DSC2: variants seen among roughly 807,000 people sequenced by gnomAD.
DSC2 encodes desmocollin 2, also known as desmocollin-2.
DSC2 carries 51 observed loss-of-function variants against 87.6 expected under a neutral mutation model. That is an observed-to-expected ratio of 0.58 (90% CI 0.46 to 0.74). The LOEUF (loss-of-function observed/expected upper bound fraction) is 0.74, where lower values mean the gene tolerates loss of function less well. Among genes scored for constraint, DSC2 ranks in the 30% least tolerant of loss-of-function variants. The probability of loss-of-function intolerance (pLI) is 0.00; values close to 1 mark genes in which losing one functional copy is unlikely to be tolerated. For missense variants in DSC2, 1,066 were observed against 1,089.5 expected (o/e 0.98, Z 0.30); for synonymous variants, 383 against 393.2 (o/e 0.97, Z 0.31).
rs1158256987 is a variant in DSC2, at chr18:31,082,661, G to A, written c.1078-238C>T. Among the ~76,000 whole-genome samples, 5 of 151,984 alleles carry A rather than the reference G, an allele frequency of 3.3e-5. 1 individual carries two copies. The highest frequency in any genetic ancestry group is 7.2e-5 in the African/African-American group (3 of 41,386). On this transcript the variant is annotated intron_variant, in intron 8 of 15. Coordinates refer to ENST00000280904, the MANE Select transcript of DSC2 (RefSeq NM_024422.6). Reference sequence around the variant, plus strand: ...CAACCTCTGCCTTCCACGTTCAGGCGATTCTCCTGCCTCAGCTTCCCGAGT... The same window carrying A: ...CAACCTCTGCCTTCCACGTTCAGGCAATTCTCCTGCCTCAGCTTCCCGAGT...
intron 4 of DSC2, 54 bp from the exon 5 acceptor site, chr18:31,089,648 C>T: frequency 6.5e-7 from 1 of 1,538,724 alleles, no homozygotes; most frequent in Non-Finnish European, 8.9e-7. Flanking sequence ...GCAGAGCTTT[C>T]ATCTATATAT....
intron 11 of DSC2, among the ~76,000 whole-genome samples, chr18:31,078,770 T>C (rs1987103928): frequency 6.6e-6 from 1 of 152,180 alleles, no homozygotes; most frequent in African/African-American, 2.4e-5. Flanking sequence ...TAAATTCTAA[T>C]TTTGCAAGTT....
chr18:31,093,578 G>C lies in DSC2; in HGVS notation c.135C>G (p.Ala45=). The C allele has an allele frequency of 6.2e-7, 1 of 1,605,096 alleles. No individual in the cohort carries two copies. Among genetic ancestry groups the C allele is most frequent in the Non-Finnish European group, 8.5e-7 (1 of 1,174,360 alleles). Residue 45 remains alanine (A), a synonymous_variant, in exon 2 of 16, where the codon GCC becomes GCG. Transcript: ENST00000280904. The part of the protein sequence containing the change: ...VTLHVPSKLD[A]EKLVGRVNLK... ...CCTTACCTCTACCAACAAGTTTCTC[G>C]GCATCTAGTTTGGAGGGAACATGTA...
rs1209588783 is a variant in DSC2 at position 31,062,994 on chromosome 18, A to G, written c.*5021T>C. On this transcript the variant is annotated 3_prime_UTR_variant, in exon 16 of 16. Transcript: ENST00000280904. ...GAGAATAAAAAACCTAACTTTTATT[A>G]TTTCTCTTTTTTCCTTTATGACCTG... is the stretch of plus-strand genomic sequence containing the variant. 1 of 152,118 alleles carries G rather than the reference A, an allele frequency of 6.6e-6. No homozygotes were observed. Among genetic ancestry groups the G allele is most frequent in the Non-Finnish European group, 1.5e-5 (1 of 68,016 alleles). 9.4% of individuals were successfully genotyped at this position (152,118 alleles called of 1,614,324 possible). A position where few individuals can be genotyped will look rare whatever the true frequency, so the allele number is the denominator to read the frequency against.
In DSC2 at chr18:31,064,816, T is replaced by A. The variant is rs1442754002; in HGVS notation, c.*3199A>T. ...ACTAAAGGGGCTGATCAGAGCAAAGTCAGTTGTCAAGACTTCAATCTGGAG... is the reference window on the plus strand; with the variant it reads ...ACTAAAGGGGCTGATCAGAGCAAAGACAGTTGTCAAGACTTCAATCTGGAG... On this transcript the variant is annotated 3_prime_UTR_variant, in exon 16 of 16. Transcript: ENST00000280904. 1 of 152,090 alleles carries A rather than the reference T, an allele frequency of 6.6e-6. No homozygotes were observed. Among genetic ancestry groups the A allele is most frequent in the Non-Finnish European group, 1.5e-5 (1 of 68,020 alleles). The allele number at this position is 152,090 out of a possible 1,614,324, so 9.4% of individuals were successfully genotyped here.
chr18:31,098,538 T>A (rs1307570756), intron 1 of DSC2, among the ~76,000 whole-genome samples: 1 of 152,038 alleles, frequency 6.6e-6, no homozygotes, highest in Non-Finnish European at 1.5e-5. Context: ...CACTGAAACC[T>A]CCACCTCCCG....
rs904173473 is a variant in DSC2, at chr18:31,102,311, T to G, written c.-340A>C. 4.1e-6 allele frequency: 1 copy of G among 243,352 alleles called. No individual in the cohort carries two copies. Among genetic ancestry groups the G allele is most frequent in the African/African-American group, 2.2e-5 (1 of 44,534 alleles). The allele number at this position is 243,352 out of a possible 1,614,324, so 15.1% of individuals were successfully genotyped here. A position where few individuals can be genotyped will look rare whatever the true frequency, so the allele number is the denominator to read the frequency against. ...CCGCCACCCTTTTACCTGCGCAAGGTGTTTCTCACCAGCGGACGCCACCTA... is the reference window on the plus strand; with the variant it reads ...CCGCCACCCTTTTACCTGCGCAAGGGGTTTCTCACCAGCGGACGCCACCTA... On this transcript the variant is annotated 5_prime_UTR_variant, in exon 1 of 16. Coordinates refer to ENST00000280904, the MANE Select transcript of DSC2 (RefSeq NM_024422.6).
intron 1 of DSC2, among the ~76,000 whole-genome samples, chr18:31,098,571 C>G (rs970253123): frequency 6.6e-6 from 1 of 151,812 alleles, no homozygotes; most frequent in Non-Finnish European, 1.5e-5. Context: ...CCTCCCACCT[C>G]AGCCTCCCAA....
At chr18:31,081,949 T>C (rs917187568) in intron 9 of DSC2, among the ~76,000 whole-genome samples, 1 of 152,154 alleles carries the variant, frequency 6.6e-6, no homozygotes, top group Non-Finnish European at 1.5e-5. Context: ...AGGAAAAGTC[T>C]GGCACTGTCC....
At chr18:31,082,901 T>C (rs1987273272) in intron 8 of DSC2, 25 bp downstream of exon 8, 3 of 1,611,334 alleles carry the variant, frequency 1.9e-6, no homozygotes, top group Non-Finnish European at 2.5e-6. Context: ...TATACATTTT[T>C]CTTTAATTAA....
At chr18:31,098,491 G>C (rs1171588167) in intron 1 of DSC2, among the ~76,000 whole-genome samples, 3 of 151,886 alleles carry the variant, frequency 2.0e-5, no homozygotes, top group African/African-American at 7.3e-5. Context: ...GTCTTGCTCT[G>C]TTGTCCAGGC....
At position 31,090,034 on chromosome 18, in the gene DSC2, T is replaced by C. The variant is rs140475814; in HGVS notation, c.475-440A>G. On this transcript the variant is annotated intron_variant, in intron 4 of 15. Coordinates refer to ENST00000280904, the MANE Select transcript of DSC2 (RefSeq NM_024422.6). Reference sequence around the variant, plus strand: ...AAAATGTGGACAATAATTTCCTTAATGAGTTTTTTGTTCTTTGCCAACATC... The same window carrying C: ...AAAATGTGGACAATAATTTCCTTAACGAGTTTTTTGTTCTTTGCCAACATC... 6.6e-3 allele frequency among the ~76,000 whole-genome samples: 1,007 copies of C among 152,220 alleles called. 9 individuals are homozygous for C. Among genetic ancestry groups the C allele is most frequent in the African/African-American group, 0.023 (952 of 41,530 alleles).
chr18:31,096,795 T>C (rs972094367), intron 1 of DSC2, among the ~76,000 whole-genome samples: 5 of 151,872 alleles, frequency 3.3e-5, no homozygotes, highest in South Asian at 2.1e-4. Flanking sequence ...CTCTCCAAGG[T>C]CACTATATGT....
intron 11 of DSC2, among the ~76,000 whole-genome samples, chr18:31,076,347 T>C (rs1417729593): frequency 1.3e-5 from 2 of 151,816 alleles, no homozygotes; most frequent in East Asian, 1.9e-4. Flanking sequence ...TAGTAGTTAA[T>C]ATGGGCAAAG....
chr18:31,102,285 G>A lies in DSC2; in HGVS notation c.-314C>T. On this transcript the variant is annotated 5_prime_UTR_variant, in exon 1 of 16. Coordinates refer to ENST00000280904, the MANE Select transcript of DSC2 (RefSeq NM_024422.6). ...AAGCCACGGGTGGGAACTCCCTCTCGCCGCCACCCTTTTACCTGCGCAAGG... is the reference window on the plus strand; with the variant it reads ...AAGCCACGGGTGGGAACTCCCTCTCACCGCCACCCTTTTACCTGCGCAAGG... 1 of 299,614 alleles carries A rather than the reference G, an allele frequency of 3.3e-6. No homozygotes were observed. Among genetic ancestry groups the A allele is most frequent in the Non-Finnish European group, 6.1e-6 (1 of 164,264 alleles). 18.6% of individuals were successfully genotyped at this position (299,614 alleles called of 1,614,324 possible). A position where few individuals can be genotyped will look rare whatever the true frequency, so the allele number is the denominator to read the frequency against.
At chr18:31,083,467 A>C (rs1294804493) in intron 7 of DSC2, among the ~76,000 whole-genome samples, 1 of 152,178 alleles carries the variant, frequency 6.6e-6, no homozygotes, top group East Asian at 1.9e-4. Flanking sequence ...GAAAAAGAAG[A>C]GCTATTTGCC....
Position 31,062,477 on chromosome 18 carries a change from G to A in DSC2, c.*5538C>T, listed in dbSNP as rs1187808683. 2 of 151,988 alleles carry A rather than the reference G, an allele frequency of 1.3e-5. No homozygotes were observed. Among genetic ancestry groups the A allele is most frequent in the African/African-American group, 4.8e-5 (2 of 41,368 alleles). The allele number at this position is 151,988 out of a possible 1,614,324, so 9.4% of individuals were successfully genotyped here. A position where few individuals can be genotyped will look rare whatever the true frequency, so the allele number is the denominator to read the frequency against. ...AGTCGCAAACATAATTTTCACATTG[G>A]CTAAAAATTTTCAAGTTGAGAAAAA... On this transcript the variant is annotated 3_prime_UTR_variant, in exon 16 of 16. Coordinates refer to ENST00000280904, the MANE Select transcript of DSC2 (RefSeq NM_024422.6).
rs747786150 is a variant in DSC2, at chr18:31,069,100, C to G, written c.2302G>C (p.Val768Leu). 1.9e-6 allele frequency: 3 copies of G among 1,614,018 alleles called. No homozygotes were observed. The highest frequency in any genetic ancestry group is 2.5e-6 in the Non-Finnish European group (3 of 1,180,002). Reference protein sequence around the residue: ...TQTVGASAQGVCGTVGSGIKN... With the variant: ...TQTVGASAQGLCGTVGSGIKN... ...ATTCCTGATCCCACGGTGCCACAAA[C>G]TCCCTGAGCAGAAGCGCCCACAGTT... Residue 768 changes from valine (V) to leucine (L), a missense_variant, in exon 15 of 16, where the codon GTT (valine) becomes CTT (leucine). Val to Leu is a conservative substitution (Grantham distance 32). Transcript: ENST00000280904.
Position 31,102,149 on chromosome 18 carries a change from A to G in DSC2, c.-178T>C. On this transcript the variant is annotated 5_prime_UTR_variant, in exon 1 of 16. The change abolishes an upstream ATG in the 5' untranslated region. Transcript: ENST00000280904. The stretch of plus-strand genomic sequence containing the variant: ...AGCTTCTCTGAAGCGCCTGCCTCTC[A>G]TCCAAGGGGCTTTTCCTTTGGCGGA... The G allele has an allele frequency of 2.0e-6, 1 of 511,542 alleles. No individual in the cohort carries two copies. Among genetic ancestry groups the G allele is most frequent in the East Asian group, 3.5e-5 (1 of 28,506 alleles). The allele number at this position is 511,542 out of a possible 1,614,324, so 31.7% of individuals were successfully genotyped here. A position where few individuals can be genotyped will look rare whatever the true frequency, so the allele number is the denominator to read the frequency against.
Sources: gnomAD v4.1 joint callset for allele counts (sites outside exome capture counted in the v4.1 genomes callset) on GRCh38, gnomAD v4.1.1 for gene constraint, MANE v1.5 for transcripts, NCBI Gene and HGNC (gene_info 2026-07-23, HGNC 2026-07-21) for gene names.